OR1J2: variants seen among roughly 807,000 people sequenced by gnomAD.
OR1J2 encodes the protein olfactory receptor 1J2.
For missense variants in OR1J2, 304 were observed against 246.1 expected, an observed-to-expected ratio of 1.24 and a Z score of -1.57; for synonymous variants, 142 against 99.7, an observed-to-expected ratio of 1.42 and a Z score of -2.52.
the OR1J2 span, chr9:122,471,340 T>C: frequency 6.6e-6 from 1 of 152,360 alleles, no homozygotes; most frequent in East Asian, 1.9e-4. Context: ...CCTCGTCTTC[T>C]CTTGCTGCTG....
the OR1J2 span, among the ~76,000 whole-genome samples, chr9:122,550,849 A>G: frequency 6.6e-6 from 1 of 151,968 alleles, no homozygotes; most frequent in African/African-American, 2.4e-5. Context: ...AAAGACGAAG[A>G]TGACCACTTT....
the OR1J2 span, among the ~76,000 whole-genome samples, chr9:122,558,310 G>GTTTTTTTTTTT: frequency 4.1e-5 from 1 of 24,210 alleles, no homozygotes. Flanking sequence ...TTTGGATTTT[G>GTTTTTTTTTTT]CTTTTTTTTT....
chr9:122,553,520 G>A, the OR1J2 span: 3 of 1,614,096 alleles, frequency 1.9e-6, no homozygotes, highest in Non-Finnish European at 2.5e-6. Flanking sequence ...GTCTTGCACA[G>A]CTATATTTCC....
chr9:122,543,675 A>T, the OR1J2 span, among the ~76,000 whole-genome samples: 25 of 152,230 alleles, frequency 1.6e-4, no homozygotes, highest in Admixed American at 1.4e-3. Context: ...GGCCTAGGCT[A>T]CAGGGAGAGG....
At chr9:122,487,218 TA>T in the OR1J2 span, among the ~76,000 whole-genome samples, 1 of 152,186 alleles carries the variant, frequency 6.6e-6, no homozygotes, top group African/African-American at 2.4e-5. Flanking sequence ...GGTATGTTTA[TA>T]ACTATTTATA....
the OR1J2 span, among the ~76,000 whole-genome samples, chr9:122,529,173 T>G: frequency 6.6e-6 from 1 of 152,216 alleles, no homozygotes; most frequent in Non-Finnish European, 1.5e-5. Context: ...CCAAGTTATT[T>G]TCTCCCCTAC....
chr9:122,494,675 T>C, the OR1J2 span, among the ~76,000 whole-genome samples: 47 of 152,334 alleles, frequency 3.1e-4, no homozygotes, highest in African/African-American at 1.1e-3. Context: ...TTAGGCCATT[T>C]ACATTCAATG....
the OR1J2 span, among the ~76,000 whole-genome samples, chr9:122,573,386 A>G: frequency 6.6e-6 from 1 of 152,238 alleles, no homozygotes; most frequent in Non-Finnish European, 1.5e-5. Flanking sequence ...GAGTGGATAA[A>G]TATTTATGTG....
chr9:122,449,704 A>C, the OR1J2 span, among the ~76,000 whole-genome samples: 1 of 152,252 alleles, frequency 6.6e-6, no homozygotes, highest in African/African-American at 2.4e-5. Flanking sequence ...TTTTCTGTGC[A>C]GCTGCCTCTT....
the OR1J2 span, among the ~76,000 whole-genome samples, chr9:122,481,681 A>G: frequency 2.0e-5 from 3 of 152,180 alleles, no homozygotes; most frequent in South Asian, 6.2e-4. Flanking sequence ...AATTTTAAAA[A>G]TATACATGAA....
chr9:122,541,706 A>G, the OR1J2 span, among the ~76,000 whole-genome samples: 1 of 152,236 alleles, frequency 6.6e-6, no homozygotes, highest in African/African-American at 2.4e-5. Flanking sequence ...GCCCAAGAGA[A>G]AAGAACTAAA....
the OR1J2 span, among the ~76,000 whole-genome samples, chr9:122,451,446 A>G: frequency 0.28 from 42,351 of 151,834 alleles, 6,132 homozygotes; most frequent in African/African-American, 0.36. Flanking sequence ...TGGCCTCCCA[A>G]AGTGCTGGGA....
chr9:122,456,296 A>G, the OR1J2 span, among the ~76,000 whole-genome samples: 2 of 152,210 alleles, frequency 1.3e-5, no homozygotes, highest in African/African-American at 4.8e-5. Context: ...AAAGATTGGA[A>G]GAGATCCTAT....
At chr9:122,450,610 A>G in the OR1J2 span, among the ~76,000 whole-genome samples, 28 of 152,208 alleles carry the variant, frequency 1.8e-4, no homozygotes, top group African/African-American at 6.8e-4. Context: ...AACATCTAAA[A>G]TCTACTCTTT....
the OR1J2 span, among the ~76,000 whole-genome samples, chr9:122,463,982 G>T: frequency 6.6e-6 from 1 of 152,202 alleles, no homozygotes; most frequent in East Asian, 1.9e-4. Flanking sequence ...GATTAGGCAG[G>T]GGGTGGGGCC....
the OR1J2 span, chr9:122,477,599 A>C: frequency 1.2e-6 from 2 of 1,614,244 alleles, no homozygotes; most frequent in Non-Finnish European, 1.7e-6. Context: ...AAACTGTCTA[A>C]GTCAGCAAAA....
the OR1J2 span, among the ~76,000 whole-genome samples, chr9:122,481,737 A>G: frequency 1.3e-5 from 2 of 152,222 alleles, no homozygotes; most frequent in Non-Finnish European, 2.9e-5. Flanking sequence ...ACTCTGATAC[A>G]TTGCTATAAG....
At chr9:122,551,236 A>G in the OR1J2 span, among the ~76,000 whole-genome samples, 2 of 152,336 alleles carry the variant, frequency 1.3e-5, no homozygotes, top group Admixed American at 1.3e-4. Flanking sequence ...AGAACAAAGC[A>G]TAGTGGATAA....
At chr9:122,496,520 G>A in the OR1J2 span, among the ~76,000 whole-genome samples, 1 of 152,156 alleles carries the variant, frequency 6.6e-6, no homozygotes. Flanking sequence ...GACGGTCTCA[G>A]TTAATTTAGA....
Sources: gnomAD v4.1 joint callset for allele counts (sites outside exome capture counted in the v4.1 genomes callset) on GRCh38, gnomAD v4.1.1 for gene constraint, MANE v1.5 for transcripts, NCBI Gene and HGNC (gene_info 2026-07-23, HGNC 2026-07-21) for gene names.